CCDC63: variants seen among roughly 807,000 people sequenced by gnomAD.
CCDC63 encodes the protein coiled-coil domain-containing protein 63.
CCDC63 carries 54 observed loss-of-function variants against 63.6 expected under a neutral mutation model. That is an observed-to-expected ratio of 0.85 (90% CI 0.68 to 1.07). The LOEUF (loss-of-function observed/expected upper bound fraction) is 1.07, where lower values mean the gene tolerates loss of function less well. CCDC63 is among the 50% of genes least tolerant of loss of function. The probability of loss-of-function intolerance (pLI) is 0.00; values close to 1 mark genes in which losing one functional copy is unlikely to be tolerated. For synonymous variants in CCDC63, 253 were observed against 266.1 expected, an observed-to-expected ratio of 0.95 and a Z score of 0.48; for missense variants, 637 against 689.6, an observed-to-expected ratio of 0.92 and a Z score of 0.86.
chr12:110,853,280 G>A, intron 2 of CCDC63, 125 bp from the exon 3 acceptor site: 1 of 938,722 alleles, frequency 1.1e-6, no homozygotes, highest in Non-Finnish European at 1.6e-6. Context: ...CATCACCCAA[G>A]GGAAGGTCTT....
chr12:110,893,078 C>T lies in CCDC63; in HGVS notation c.1077C>T (p.Asp359=), dbSNP rs141934863. 46 of 1,613,744 alleles carry T rather than the reference C, an allele frequency of 2.9e-5. No homozygotes were observed. The highest frequency in any genetic ancestry group is 8.8e-5 in the South Asian group (8 of 91,058). Residue 359 remains aspartate, a splice_region_variant and synonymous_variant, in exon 9 of 12, where the codon GAC becomes GAT. Transcript: ENST00000308208. ...TGGTCTTGTTCTCTCCCGAGCAGGA[C>T]GAGATCATCCTCTTGCGATCCCAGC... is the stretch of plus-strand genomic sequence containing the variant. ...MMHKRTQRIQ[D]EIILLRSQQK... is the part of the protein sequence containing the mutation.
At chr12:110,858,110 TATAAAATAAAATAAAATAAAATAAA>T (rs67701132) in intron 3 of CCDC63, among the ~76,000 whole-genome samples, 15 of 137,792 alleles carry the variant, frequency 1.1e-4, no homozygotes, top group African/African-American at 1.1e-4. Flanking sequence ...TGTCTCAAAA[TATAAAATAAAATAAAATAAAATAAA>T]ATAAAATAAA....
chr12:110,856,844 C>CTTTTTT (rs34855503), intron 3 of CCDC63, among the ~76,000 whole-genome samples: 3 of 115,544 alleles, frequency 2.6e-5, no homozygotes, highest in African/African-American at 6.0e-5. Flanking sequence ...CCTTTCCTTT[C>CTTTTTT]TTTTTTTTTT....
In CCDC63 at chr12:110,907,329, A is replaced by G; in HGVS notation, c.1547-2A>G. ...CCTCACACAAATCTGATCTTGGTGC[A>G]GTGGAACAGCCCCTGGACCACAGCA... is the stretch of plus-strand genomic sequence containing the variant. On this transcript the variant is annotated splice_acceptor_variant, in intron 11 of 11. Transcript: ENST00000308208. LOFTEE classifies it high-confidence loss of function. This position sits in a 1 kb window ranked among gnomAD's most constrained non-coding sequence, Gnocchi z 4.4. 1 of 1,613,068 alleles carries G rather than the reference A, an allele frequency of 6.2e-7. No individual in the cohort carries two copies. The highest frequency in any genetic ancestry group is 1.1e-5 in the South Asian group (1 of 90,964).
Position 110,881,183 on chromosome 12 carries a change from T to A in CCDC63, c.740T>A (p.Leu247Gln), listed in dbSNP as rs1335002630. 6.2e-7 allele frequency: 1 copy of A among 1,613,378 alleles called. No individual in the cohort carries two copies. The highest frequency in any genetic ancestry group is 1.3e-5 in the African/African-American group (1 of 74,848). Residue 247 changes from leucine to glutamine, a missense_variant, in exon 7 of 12, where the codon CTG (leucine) becomes CAG (glutamine). Coordinates refer to ENST00000308208, the MANE Select transcript of CCDC63 (RefSeq NM_152591.3). Reference protein sequence around the residue: ...RQKKDTSQYNLEIRELERLYA... With the variant: ...RQKKDTSQYNQEIRELERLYA... Reference sequence around the variant, plus strand: ...AAGAAGGACACCTCTCAGTACAACCTGGAGATCCGAGAGCTGGAGCGTCTC... The same window carrying A: ...AAGAAGGACACCTCTCAGTACAACCAGGAGATCCGAGAGCTGGAGCGTCTC...
In CCDC63 at chr12:110,899,011, T is replaced by C. The variant is rs577713063; in HGVS notation, c.1228T>C (p.Leu410=). The change falls in exon 10 of 12, where the codon TTG becomes CTG. Residue 410 remains leucine (L), a synonymous_variant. Coordinates refer to ENST00000308208, the MANE Select transcript of CCDC63 (RefSeq NM_152591.3). Reference sequence around the variant, plus strand: ...GGAGGTCAGCAAGACCTTGGATCTATTGAAGAACTCAGTGGAGAAACTGTT... The same window carrying C: ...GGAGGTCAGCAAGACCTTGGATCTACTGAAGAACTCAGTGGAGAAACTGTT... The part of the protein sequence containing the change: ...YGEVSKTLDL[L]KNSVEKLFKK... 4 of 1,613,820 alleles carry C rather than the reference T, an allele frequency of 2.5e-6. No individual in the cohort carries two copies. Among genetic ancestry groups the C allele is most frequent in the Non-Finnish European group, 1.7e-6 (2 of 1,179,898 alleles).
At chr12:110,878,101 A>C (rs1224579631) in intron 5 of CCDC63, among the ~76,000 whole-genome samples, 1 of 152,132 alleles carries the variant, frequency 6.6e-6, no homozygotes, top group African/African-American at 2.4e-5. Context: ...AATGTCCTCC[A>C]GTTTCATCCA....
At position 110,880,140 on chromosome 12, in the gene CCDC63, C is replaced by T. The variant is rs1038685746; in HGVS notation, c.671+53C>T. 4.0e-6 allele frequency: 6 copies of T among 1,512,546 alleles called. No individual in the cohort carries two copies. The African/African-American group carries it at 8.3e-5, about 21-fold the overall frequency. The allele number at this position is 1,512,546 out of a possible 1,614,324, so 93.7% of individuals were successfully genotyped here. A position where few individuals can be genotyped will look rare whatever the true frequency, so the allele number is the denominator to read the frequency against. On this transcript the variant is annotated intron_variant, in intron 6 of 11. Coordinates refer to ENST00000308208, the MANE Select transcript of CCDC63 (RefSeq NM_152591.3). ...CGAGGTCTCTTAGCCCCTTGCTGAG[C>T]ATCTAGCTTCCTACTCTGGGCCACC...
intron 9 of CCDC63, 83 bp downstream of exon 9, chr12:110,893,233 C>A (rs1049431052): frequency 8.8e-7 from 1 of 1,138,764 alleles, no homozygotes; most frequent in Admixed American, 1.9e-5. Flanking sequence ...TCTGTCTGTC[C>A]GTCGGGCATC....
rs35518087 is a variant in CCDC63, at chr12:110,898,162, G to C, written c.1150-771G>C. 7.6e-3 allele frequency among the ~76,000 whole-genome samples: 1,141 copies of C among 149,314 alleles called. 9 individuals are homozygous for C. The highest frequency in any genetic ancestry group is 0.036 in the Middle Eastern group (10 of 276). ...CTGGGCATGGTGGCGTCTGCCTGTA[G>C]TCCCAGCTACTCTGGAGGCTAACGT... On this transcript the variant is annotated intron_variant, in intron 9 of 11. Coordinates refer to ENST00000308208, the MANE Select transcript of CCDC63 (RefSeq NM_152591.3).
chr12:110,853,277 C>T (rs1220990090), intron 2 of CCDC63, 128 bp from the exon 3 acceptor site: 14 of 920,044 alleles, frequency 1.5e-5, no homozygotes, highest in Non-Finnish European at 1.8e-5. Context: ...TGACATCACC[C>T]AAGGGAAGGT....
Position 110,853,309 on chromosome 12 carries a change from C to G in CCDC63, c.10-96C>G, listed in dbSNP as rs2070729618. The G allele has an allele frequency of 2.4e-6, 3 of 1,261,184 alleles. No individual in the cohort carries two copies. In the South Asian group the frequency reaches 4.5e-5, roughly 19 times the overall value. The allele number at this position is 1,261,184 out of a possible 1,614,324, so 78.1% of individuals were successfully genotyped here. A position where few individuals can be genotyped will look rare whatever the true frequency, so the allele number is the denominator to read the frequency against. Reference sequence around the variant, plus strand: ...AGGTCTTCCACTTCTAGCCATGGCCCAGCCACCCCCACTGCCCTTCACTCT... The same window carrying G: ...AGGTCTTCCACTTCTAGCCATGGCCGAGCCACCCCCACTGCCCTTCACTCT... On this transcript the variant is annotated intron_variant, in intron 2 of 11. Coordinates refer to ENST00000308208, the MANE Select transcript of CCDC63 (RefSeq NM_152591.3).
chr12:110,857,285 C>G (rs2070786232), intron 3 of CCDC63, among the ~76,000 whole-genome samples: 1 of 151,850 alleles, frequency 6.6e-6, no homozygotes, highest in African/African-American at 2.4e-5. Context: ...ACCACCCCCC[C>G]CGGCTAATTT....
intron 5 of CCDC63, among the ~76,000 whole-genome samples, chr12:110,874,635 G>A (rs1468744373): frequency 1.2e-4 from 18 of 152,314 alleles, no homozygotes; most frequent in African/African-American, 3.6e-4. Context: ...CAGTGTGAAC[G>A]AATGCTAGTA....
chr12:110,899,260 GT>G, intron 10 of CCDC63, 135 bp downstream of exon 10: 1 of 732,654 alleles, frequency 1.4e-6, no homozygotes, highest in East Asian at 2.8e-5. Flanking sequence ...GCCTGCCTGG[GT>G]TTGAATCCTG....
In CCDC63 at chr12:110,873,886, C is replaced by T. The variant is rs372540201; in HGVS notation, c.414C>T (p.Phe138=). The change falls in exon 5 of 12, where the codon TTC becomes TTT. Residue 138 remains phenylalanine (F), a synonymous_variant. Coordinates refer to ENST00000308208, the MANE Select transcript of CCDC63 (RefSeq NM_152591.3). ...AAATCGCAAACCAAAAACAGATTTTCGCAAAAATGCAGGAGGCCAATAACC... is the reference window on the plus strand; with the variant it reads ...AAATCGCAAACCAAAAACAGATTTTTGCAAAAATGCAGGAGGCCAATAACC... ...EKKIANQKQI[F]AKMQEANNPR... 3.1e-5 allele frequency: 50 copies of T among 1,612,252 alleles called. No individual in the cohort carries two copies. The highest frequency in any genetic ancestry group is 1.2e-4 in the Admixed American group (7 of 59,644).
intron 3 of CCDC63, among the ~76,000 whole-genome samples, chr12:110,855,943 C>T (rs1012180728): frequency 6.6e-6 from 1 of 152,262 alleles, no homozygotes; most frequent in Admixed American, 6.5e-5. Context: ...TTCCCCAGCA[C>T]CAACCCTGGC....
At chr12:110,874,758 A>G (rs980428039) in intron 5 of CCDC63, among the ~76,000 whole-genome samples, 2 of 152,196 alleles carry the variant, frequency 1.3e-5, no homozygotes, top group Admixed American at 6.5e-5. Context: ...GGTGGTCAGA[A>G]GAATGAAATA....
rs1175366113 is a variant in CCDC63, at chr12:110,905,864, G to A, written c.1546+1073G>A. On this transcript the variant is annotated intron_variant, in intron 11 of 11. Coordinates refer to ENST00000308208, the MANE Select transcript of CCDC63 (RefSeq NM_152591.3). ...TGTATATATATGTGTGTGTGTATGT[G>A]TATATATGTGTGTGTGTATATATAT... Among the ~76,000 whole-genome samples, 10 of 64,010 alleles carry A rather than the reference G, an allele frequency of 1.6e-4. No individual in the cohort carries two copies. In the South Asian group the frequency reaches 3.5e-3, roughly 23 times the overall value. The allele number at this position is 64,010 out of a possible 152,430, so 42.0% of individuals were successfully genotyped here.
Sources: allele counts gnomAD v4.1 joint callset (sites outside exome capture counted in the v4.1 genomes callset), GRCh38; gene constraint gnomAD v4.1.1; non-coding constraint Gnocchi (gnomAD v3.1); transcripts MANE v1.5; gene names NCBI Gene and HGNC (gene_info 2026-07-23, HGNC 2026-07-21).